ATP6V1E1: variants seen among roughly 807,000 people sequenced by gnomAD.
ATP6V1E1 encodes the protein ATPase H+ transporting V1 subunit E1, also known as V-type proton ATPase subunit E 1.
A neutral mutation model predicts 35.2 loss-of-function variants in ATP6V1E1; 21 were observed. The observed-to-expected ratio is 0.60, with a 90% confidence interval of 0.42 to 0.86. The LOEUF (loss-of-function observed/expected upper bound fraction) is 0.86, where lower values mean the gene tolerates loss of function less well. Among genes scored for constraint, ATP6V1E1 ranks in the 40% least tolerant of loss-of-function variants. ATP6V1E1 has a pLI of 0.00. For synonymous variants in ATP6V1E1, 83 were observed against 87.8 expected, an observed-to-expected ratio of 0.95 and a Z score of 0.30; for missense variants, 183 against 272.6, an observed-to-expected ratio of 0.67 and a Z score of 2.32.
At chr22:17,614,605 G>A (rs1341743613) in intron 2 of ATP6V1E1, among the ~76,000 whole-genome samples, 1 of 151,588 alleles carries the variant, frequency 6.6e-6, no homozygotes, top group Non-Finnish European at 1.5e-5. Flanking sequence ...CCAGGAGGTG[G>A]AGGTTGCAGT....
chr22:17,604,082 G>A (rs563223830), intron 4 of ATP6V1E1, among the ~76,000 whole-genome samples: 1 of 152,210 alleles, frequency 6.6e-6, no homozygotes, highest in Non-Finnish European at 1.5e-5. Flanking sequence ...TAGCTAAGCA[G>A]GCTAGAACCT....
At chr22:17,608,722 C>T (rs989283941) in intron 4 of ATP6V1E1, among the ~76,000 whole-genome samples, 1 of 152,256 alleles carries the variant, frequency 6.6e-6, no homozygotes, top group African/African-American at 2.4e-5. Flanking sequence ...GCCATGGCAC[C>T]TGGCTAGCCC....
chr22:17,597,787 C>T (rs111988745), intron 7 of ATP6V1E1, among the ~76,000 whole-genome samples: 23 of 151,328 alleles, frequency 1.5e-4, no homozygotes, highest in African/African-American at 4.7e-4. Context: ...TGCGCCACCA[C>T]GCTCAGCTAA....
chr22:17,593,199 A>G (rs2057713732), intron 8 of ATP6V1E1, among the ~76,000 whole-genome samples: 1 of 152,082 alleles, frequency 6.6e-6, no homozygotes, highest in Admixed American at 6.6e-5. Flanking sequence ...TGAAGCAAGT[A>G]ACACATTCCT....
chr22:17,600,124 G>A, intron 5 of ATP6V1E1, 29 bp from the exon 6 acceptor site: 1 of 1,588,454 alleles, frequency 6.3e-7, no homozygotes, highest in Non-Finnish European at 8.6e-7. Context: ...ACAGTCAGTA[G>A]AAAATGCAAA....
Position 17,594,611 on chromosome 22 carries a change from C to T in ATP6V1E1, c.536G>A (p.Gly179Asp). The T allele has an allele frequency of 6.5e-7, 1 of 1,547,298 alleles. No homozygotes were observed. Among genetic ancestry groups the T allele is most frequent in the Non-Finnish European group, 8.6e-7 (1 of 1,157,406 alleles). The change falls in exon 8 of 9, where the codon GGT (glycine) becomes GAT (aspartate). Residue 179 changes from glycine to aspartate, a missense_variant. Coordinates refer to ENST00000253413, the MANE Select transcript of ATP6V1E1 (RefSeq NM_001696.4). ...QESYLPEDIA[G>D]GVEIYNGDRK... ...ATCTCCATTATAGATCTCAACTCCA[C>T]CAGCTCTGCAAAAAAAAAAGCACAG...
At position 17,616,540 on chromosome 22, in the gene ATP6V1E1, G is replaced by A. The variant is rs1026816501; in HGVS notation, c.99+2921C>T. Among the ~76,000 whole-genome samples the A allele has an allele frequency of 4.6e-5, 7 of 151,822 alleles. No individual in the cohort carries two copies. The East Asian group carries it at 1.2e-3, about 25-fold the overall frequency. ...CTAAAATACAAAAAATTAGCTGGGC[G>A]TGATGGCATGCGCCTGTAGTCCCAG... On this transcript the variant is annotated intron_variant, in intron 2 of 8. Coordinates refer to ENST00000253413, the MANE Select transcript of ATP6V1E1 (RefSeq NM_001696.4).
chr22:17,596,763 A>G lies in ATP6V1E1; in HGVS notation c.530+1431T>C, dbSNP rs552328169. The stretch of plus-strand genomic sequence containing the variant: ...ATGAGTTTATATACTTTTTCCATTT[A>G]CAGAGCATTTTCACATGTACTATCT... On this transcript the variant is annotated intron_variant, in intron 7 of 8. Transcript: ENST00000253413. 1.2e-4 allele frequency among the ~76,000 whole-genome samples: 18 copies of G among 152,226 alleles called. 2 individuals are homozygous for G. The South Asian group carries it at 3.7e-3, about 32-fold the overall frequency.
At position 17,619,062 on chromosome 22, in the gene ATP6V1E1, G is replaced by C. The variant is rs569860434; in HGVS notation, c.99+399C>G. On this transcript the variant is annotated intron_variant, in intron 2 of 8. Coordinates refer to ENST00000253413, the MANE Select transcript of ATP6V1E1 (RefSeq NM_001696.4). ...TAATCCCAGCACTTGGGGAGGACGA[G>C]GTAGGCGGATCACAAGGTCAAGAGA... 43 of 455,244 alleles carry C rather than the reference G, an allele frequency of 9.4e-5. 1 individual carries two copies. Among genetic ancestry groups the C allele is most frequent in the South Asian group, 6.5e-4 (42 of 64,440 alleles). 28.2% of individuals were successfully genotyped at this position (455,244 alleles called of 1,614,324 possible).
intron 4 of ATP6V1E1, among the ~76,000 whole-genome samples, chr22:17,605,987 G>A (rs1297210478): frequency 6.6e-6 from 1 of 150,982 alleles, no homozygotes; most frequent in Non-Finnish European, 1.5e-5. Context: ...AGAAATGAAG[G>A]GTTCAAAGGA....
At chr22:17,601,463 C>A (rs113455906) in intron 4 of ATP6V1E1, among the ~76,000 whole-genome samples, 2 of 152,050 alleles carry the variant, frequency 1.3e-5, no homozygotes, top group African/African-American at 4.8e-5. Context: ...TGGAAAGATG[C>A]GCGCGATGTA....
intron 4 of ATP6V1E1, among the ~76,000 whole-genome samples, chr22:17,606,344 T>C (rs1290296994): frequency 6.6e-6 from 1 of 150,888 alleles, no homozygotes; most frequent in Non-Finnish European, 1.5e-5. Flanking sequence ...AATAGCAAAA[T>C]CCACTCAAAG....
intron 1 of ATP6V1E1, among the ~76,000 whole-genome samples, chr22:17,627,308 T>C (rs2057916232): frequency 6.6e-6 from 1 of 150,912 alleles, no homozygotes; most frequent in Admixed American, 6.6e-5. Flanking sequence ...TTTGTATTTT[T>C]AATAGAGATG....
chr22:17,611,968 T>C (rs1002346360), intron 4 of ATP6V1E1, among the ~76,000 whole-genome samples: 2 of 152,246 alleles, frequency 1.3e-5, no homozygotes, highest in Non-Finnish European at 2.9e-5. Flanking sequence ...TTTTAGTAGC[T>C]ATTATAGAGA....
At chr22:17,607,050 A>G (rs1311579906) in intron 4 of ATP6V1E1, among the ~76,000 whole-genome samples, 1 of 152,132 alleles carries the variant, frequency 6.6e-6, no homozygotes, top group African/African-American at 2.4e-5. Flanking sequence ...TTGTCTCCAC[A>G]TAAGCTCCTC....
intron 6 of ATP6V1E1, among the ~76,000 whole-genome samples, chr22:17,598,719 C>T (rs1489319249): frequency 1.3e-5 from 2 of 152,176 alleles, no homozygotes; most frequent in Non-Finnish European, 2.9e-5. Context: ...ACAGCAGTGC[C>T]ATGCCATACC....
intron 1 of ATP6V1E1, among the ~76,000 whole-genome samples, chr22:17,626,045 G>T (rs1198323543): frequency 2.6e-5 from 4 of 151,968 alleles, no homozygotes; most frequent in Admixed American, 2.6e-4. Context: ...GGTAGCTCAT[G>T]CCTGTAATCC....
At chr22:17,606,053 A>C (rs910826673) in intron 4 of ATP6V1E1, among the ~76,000 whole-genome samples, 1 of 152,102 alleles carries the variant, frequency 6.6e-6, no homozygotes, top group African/African-American at 2.4e-5. Flanking sequence ...TAAAAACGGA[A>C]CTTAAACCTC....
chr22:17,627,078 C>G (rs1449142029), intron 1 of ATP6V1E1, among the ~76,000 whole-genome samples: 1 of 152,150 alleles, frequency 6.6e-6, no homozygotes, highest in African/African-American at 2.4e-5. Context: ...CAACCTCCGC[C>G]TGCCGGGTTC....
Sources: gnomAD v4.1 joint callset for allele counts (sites outside exome capture counted in the v4.1 genomes callset) on GRCh38, gnomAD v4.1.1 for gene constraint, MANE v1.5 for transcripts, NCBI Gene and HGNC (gene_info 2026-07-23, HGNC 2026-07-21) for gene names.